The following USP30 variants were observed in gnomAD, a reference collection of about 807,000 sequenced individuals.
USP30 encodes ubiquitin carboxyl-terminal hydrolase 30.
In USP30, 41 loss-of-function variants were observed where a neutral mutation model predicts 68.2. The observed-to-expected ratio is 0.60, with a 90% CI of 0.47 to 0.78. The LOEUF (loss-of-function observed/expected upper bound fraction) is 0.78. Ranked by LOEUF, USP30 falls within the 30% of genes least tolerant of loss-of-function variation. The pLI is 0.00. For missense variants in USP30, 522 were observed against 649.4 expected (o/e 0.80, Z 2.13); for synonymous variants, 229 against 253.7 (o/e 0.90, Z 0.93).
Position 109,085,953 on chromosome 12 carries a change from G to C in USP30, c.*22G>C, listed in dbSNP as rs149523663. Reference sequence around the variant, plus strand: ...ATGACTGTGCCCTCCTGCAAGGCTAGAGCTGATGGCACTGTCTGCACTGTC... The same window carrying C: ...ATGACTGTGCCCTCCTGCAAGGCTACAGCTGATGGCACTGTCTGCACTGTC... On this transcript the variant is annotated 3_prime_UTR_variant, in exon 13 of 13. Coordinates refer to ENST00000257548, the MANE Select transcript of USP30 (RefSeq NM_032663.5). 1.4e-5 allele frequency: 23 copies of C among 1,608,174 alleles called. No individual in the cohort carries two copies. In the African/African-American group the frequency reaches 2.7e-4, roughly 19 times the overall value.
Position 109,085,727 on chromosome 12 carries a change from T to C in USP30, c.1350T>C (p.Ser450=). The C allele has an allele frequency of 6.2e-7, 1 of 1,614,268 alleles. No homozygotes were observed. Among genetic ancestry groups the C allele is most frequent in the Non-Finnish European group, 8.5e-7 (1 of 1,180,052 alleles). ...AVVVHHGDMH[S]GHFVTYRRSP... ...TCGTCCACCATGGAGACATGCACTC[T>C]GGACACTTTGTCACTTACCGACGGT... The change falls in exon 13 of 13, where the codon TCT becomes TCC. Residue 450 remains serine (S), a synonymous_variant. Coordinates refer to ENST00000257548, the MANE Select transcript of USP30 (RefSeq NM_032663.5).
At chr12:109,038,576 T>C (rs2135669494) in intron 3 of USP30, among the ~76,000 whole-genome samples, 1 of 152,334 alleles carries the variant, frequency 6.6e-6, no homozygotes, top group South Asian at 2.1e-4. Flanking sequence ...ACCTGCAATG[T>C]TTCAACAAAC....
At chr12:109,080,198 C>T (rs1278785155) in intron 7 of USP30, among the ~76,000 whole-genome samples, 2 of 152,182 alleles carry the variant, frequency 1.3e-5, no homozygotes, top group Non-Finnish European at 2.9e-5. Context: ...TCTGTGTCTC[C>T]TTTCTTCCTG....
intron 1 of USP30, among the ~76,000 whole-genome samples, chr12:109,055,400 A>ATATATATATATTT (rs1298811530): frequency 1.2e-4 from 3 of 24,468 alleles, no homozygotes; most frequent in African/African-American, 3.3e-4. Flanking sequence ...ATATATATAT[A>ATATATATATATTT]TTTTTTTTTT....
chr12:109,044,244 G>C (rs1253293656), intron 3 of USP30, among the ~76,000 whole-genome samples: 1 of 152,026 alleles, frequency 6.6e-6, no homozygotes, highest in East Asian at 1.9e-4. Context: ...TGTTTAACAG[G>C]TACAGAATTT....
At chr12:109,024,132 C>T (rs2040427305) in intron 1 of USP30, among the ~76,000 whole-genome samples, 1 of 151,974 alleles carries the variant, frequency 6.6e-6, no homozygotes, top group Non-Finnish European at 1.5e-5. Context: ...ATCAGAAATA[C>T]GGGGATCAAT....
chr12:109,082,620 C>G, intron 9 of USP30, 43 bp from the exon 10 acceptor site: 1 of 1,595,764 alleles, frequency 6.3e-7, no homozygotes. Context: ...CAAAGCTGTC[C>G]TATTTTAGGC....
chr12:109,062,082 G>T (rs572660876), intron 3 of USP30, among the ~76,000 whole-genome samples: 3 of 151,880 alleles, frequency 2.0e-5, no homozygotes, highest in African/African-American at 4.8e-5. Context: ...CTACAGGTGC[G>T]TGCTGCCACA....
At chr12:109,067,672 C>T in intron 4 of USP30, 45 bp downstream of exon 4, 1 of 1,565,230 alleles carries the variant, frequency 6.4e-7, no homozygotes, top group Non-Finnish European at 8.8e-7. Flanking sequence ...AATCCTTTCC[C>T]CTAGTGACTT....
chr12:109,072,896 CG>C (rs2041489163), intron 6 of USP30, among the ~76,000 whole-genome samples: 1 of 152,082 alleles, frequency 6.6e-6, no homozygotes, highest in Non-Finnish European at 1.5e-5. Flanking sequence ...CCCAATTTTC[CG>C]CACACTGAGG....
At position 109,062,993 on chromosome 12, in the gene USP30, T is replaced by C. The variant is rs147708667; in HGVS notation, c.377-4531T>C. 2.6e-3 allele frequency among the ~76,000 whole-genome samples: 392 copies of C among 152,332 alleles called. 1 individual carries two copies. The highest frequency in any genetic ancestry group is 8.7e-3 in the African/African-American group (362 of 41,564). On this transcript the variant is annotated intron_variant, in intron 3 of 12. Coordinates refer to ENST00000257548, the MANE Select transcript of USP30 (RefSeq NM_032663.5). ...ATGTACCTCATTAAGCGGACTCATA[T>C]AATATTCACCCTTTTGTAACTGGCT...
upstream of USP30, among the ~76,000 whole-genome samples, chr12:109,048,861 T>C (rs149676170): frequency 1.2e-4 from 18 of 152,306 alleles, no homozygotes; most frequent in East Asian, 3.3e-3. Flanking sequence ...CTGTTTATAA[T>C]TTGGTATCTT....
At chr12:109,072,277 GTC>G in intron 5 of USP30, 26 bp from the exon 6 acceptor site, 1 of 1,601,074 alleles carries the variant, frequency 6.2e-7, no homozygotes, top group Non-Finnish European at 8.6e-7. Flanking sequence ...AAGGTTTTCA[GTC>G]TGTTTTTTTT....
intron 3 of USP30, among the ~76,000 whole-genome samples, chr12:109,060,991 A>C (rs1319239415): frequency 6.6e-6 from 1 of 151,990 alleles, no homozygotes; most frequent in Non-Finnish European, 1.5e-5. Flanking sequence ...TGCTATGTTG[A>C]CCAGGCTGGT....
chr12:109,075,596 C>T (rs1324574113), intron 7 of USP30, among the ~76,000 whole-genome samples: 1 of 152,220 alleles, frequency 6.6e-6, no homozygotes, highest in Non-Finnish European at 1.5e-5. Flanking sequence ...AAGTGATCCG[C>T]CTGTCTCGGC....
intron 3 of USP30, among the ~76,000 whole-genome samples, chr12:109,028,566 C>T (rs1307608072): frequency 6.6e-6 from 1 of 152,094 alleles, no homozygotes; most frequent in Non-Finnish European, 1.5e-5. Context: ...CAACCTCCAC[C>T]TACCAGGTTC....
At chr12:109,061,596 G>T (rs1317272332) in intron 3 of USP30, among the ~76,000 whole-genome samples, 1 of 151,662 alleles carries the variant, frequency 6.6e-6, no homozygotes, top group African/African-American at 2.4e-5. Context: ...TTTGAGTAGA[G>T]ACAGGGTTTT....
At chr12:109,031,191 A>G (rs2040478291) in intron 3 of USP30, among the ~76,000 whole-genome samples, 1 of 152,236 alleles carries the variant, frequency 6.6e-6, no homozygotes, top group South Asian at 2.1e-4. Context: ...TAATTTATTA[A>G]TGTGACTACA....
chr12:109,050,713 A>C (rs939645686), upstream of USP30, among the ~76,000 whole-genome samples: 1 of 152,158 alleles, frequency 6.6e-6, no homozygotes, highest in Non-Finnish European at 1.5e-5. Flanking sequence ...GTACCAAAAA[A>C]CAAAAAAATA....
Sources: gnomAD v4.1 joint callset for allele counts (sites outside exome capture counted in the v4.1 genomes callset) on GRCh38, gnomAD v4.1.1 for gene constraint, MANE v1.5 for transcripts, NCBI Gene and HGNC (gene_info 2026-07-23, HGNC 2026-07-21) for gene names.